Variants in TRPC4 observed in about 807,000 individuals in gnomAD.
The protein encoded by TRPC4 is transient receptor potential cation channel subfamily C member 4, also known as short transient receptor potential channel 4.
Under a neutral mutation model 99.4 loss-of-function variants are expected in TRPC4, and 49 were observed. The ratio of observed to expected loss-of-function variants is 0.49; its 90% CI spans 0.39 to 0.63. TRPC4 has a LOEUF of 0.63. TRPC4 is among the 20% of genes least tolerant of loss of function. The probability of loss-of-function intolerance (pLI) is 0.00; values close to 1 mark genes in which losing one functional copy is unlikely to be tolerated. For synonymous variants in TRPC4, 454 were observed against 425.9 expected, an observed-to-expected ratio of 1.07 and a Z score of -0.81; for missense variants, 898 against 1,152.9, an observed-to-expected ratio of 0.78 and a Z score of 3.20.
intron 2 of TRPC4, among the ~76,000 whole-genome samples, chr13:37,747,730 C>T (rs539645716): frequency 3.3e-5 from 5 of 152,236 alleles, no homozygotes; most frequent in African/African-American, 1.2e-4. Context: ...TCATGAGAAA[C>T]ACTAAAGATA....
intron 3 of TRPC4, among the ~76,000 whole-genome samples, chr13:37,743,258 T>G (rs1477417541): frequency 6.6e-6 from 1 of 152,160 alleles, no homozygotes; most frequent in Non-Finnish European, 1.5e-5. Flanking sequence ...ATATGTTTTT[T>G]GTTATGTTTT....
intron 3 of TRPC4, among the ~76,000 whole-genome samples, chr13:37,737,778 T>C (rs1244896583): frequency 1.3e-5 from 2 of 152,156 alleles, no homozygotes; most frequent in Non-Finnish European, 1.5e-5. Flanking sequence ...ACCAATTTGT[T>C]CTTTTACTTT....
chr13:37,823,899 C>A (rs1958111298), intron 1 of TRPC4, among the ~76,000 whole-genome samples: 1 of 150,248 alleles, frequency 6.7e-6, no homozygotes, highest in Non-Finnish European at 1.5e-5. Flanking sequence ...TCTTCCTACT[C>A]ATGAGCATGG....
chr13:37,737,412 G>A (rs76558759), intron 3 of TRPC4, among the ~76,000 whole-genome samples: 19,993 of 152,030 alleles, frequency 0.13, 1,541 homozygotes, highest in African/African-American at 0.2. Context: ...TACATCCTTG[G>A]TTAGGGGCAG....
chr13:37,852,274 T>C (rs1044056797), intron 1 of TRPC4, among the ~76,000 whole-genome samples: 1 of 152,146 alleles, frequency 6.6e-6, no homozygotes, highest in Non-Finnish European at 1.5e-5. Context: ...CTCTGTCTTG[T>C]ATTGTGGATA....
chr13:37,672,905 T>C (rs1045899839), intron 5 of TRPC4, among the ~76,000 whole-genome samples: 133 of 152,298 alleles, frequency 8.7e-4, no homozygotes, highest in African/African-American at 3.1e-3. Context: ...TGAGCACTGG[T>C]AGCATTTTAA....
intron 1 of TRPC4, among the ~76,000 whole-genome samples, chr13:37,807,490 C>T (rs1593788254): frequency 1.3e-5 from 2 of 152,116 alleles, no homozygotes; most frequent in South Asian, 2.1e-4. Context: ...CATATTACAT[C>T]TGGGTCATAA....
intron 1 of TRPC4, among the ~76,000 whole-genome samples, chr13:37,863,837 G>A (rs1959559580): frequency 6.6e-6 from 1 of 151,538 alleles, no homozygotes. Context: ...GCTGATGACA[G>A]ACCAATTCAA....
At chr13:37,671,795 G>A (rs1952853868) in intron 5 of TRPC4, among the ~76,000 whole-genome samples, 1 of 152,158 alleles carries the variant, frequency 6.6e-6, no homozygotes, top group African/African-American at 2.4e-5. Flanking sequence ...CACAGTGCAT[G>A]CCAATGAATA....
At chr13:37,729,476 T>G (rs1375305467) in intron 3 of TRPC4, among the ~76,000 whole-genome samples, 3 of 152,254 alleles carry the variant, frequency 2.0e-5, no homozygotes, top group Non-Finnish European at 4.4e-5. Flanking sequence ...GAAGTTCCAC[T>G]TCTGGGGGTA....
intron 2 of TRPC4, among the ~76,000 whole-genome samples, chr13:37,766,552 T>C (rs1470643868): frequency 2.0e-5 from 3 of 151,366 alleles, no homozygotes; most frequent in Non-Finnish European, 3.0e-5. Flanking sequence ...TGAAAAAATG[T>C]GCTGGTCCAA....
chr13:37,793,782 G>A (rs1477027645), intron 1 of TRPC4, among the ~76,000 whole-genome samples: 1 of 152,036 alleles, frequency 6.6e-6, no homozygotes, highest in Non-Finnish European at 1.5e-5. Context: ...TGCTGGTGGT[G>A]GCTTAAACTG....
At position 37,787,311 on chromosome 13, in the gene TRPC4, C is replaced by A. The variant is rs151014512; in HGVS notation, c.-27-3951G>T. Among the ~76,000 whole-genome samples, 35 of 152,140 alleles carry A rather than the reference C, an allele frequency of 2.3e-4. No individual in the cohort carries two copies. The East Asian group carries it at 5.4e-3, about 24-fold the overall frequency. On this transcript the variant is annotated intron_variant, in intron 1 of 10. Transcript: ENST00000379705. ...ACAACTCCTATTTGTTATTAAGATA[C>A]TATCACACATATGTAAGTTGCATTT...
intron 3 of TRPC4, among the ~76,000 whole-genome samples, chr13:37,697,747 A>G (rs1378502363): frequency 6.6e-5 from 10 of 152,216 alleles, no homozygotes; most frequent in Non-Finnish European, 1.5e-4. Context: ...AAATCTGCTG[A>G]ATAAAAATCT....
intron 1 of TRPC4, among the ~76,000 whole-genome samples, chr13:37,790,444 A>C (rs534176756): frequency 6.6e-6 from 1 of 152,298 alleles, no homozygotes; most frequent in African/African-American, 2.4e-5. Flanking sequence ...TTATTCCCTA[A>C]AAGTTTTGCT....
chr13:37,850,663 G>A (rs817614), intron 1 of TRPC4, among the ~76,000 whole-genome samples: 39,799 of 152,034 alleles, frequency 0.26, 5,548 homozygotes, highest in East Asian at 0.43. Flanking sequence ...GCTTTTGACT[G>A]TGATTAAATT....
intron 3 of TRPC4, among the ~76,000 whole-genome samples, chr13:37,713,872 G>A (rs1264803057): frequency 6.6e-6 from 1 of 152,180 alleles, no homozygotes; most frequent in Non-Finnish European, 1.5e-5. Flanking sequence ...TAGTGACCAA[G>A]AAGTGGCTAT....
chr13:37,805,967 G>A (rs1040655719), intron 1 of TRPC4, among the ~76,000 whole-genome samples: 2 of 151,994 alleles, frequency 1.3e-5, no homozygotes, highest in African/African-American at 4.8e-5. Flanking sequence ...ACAGAATTGG[G>A]AAGAATCAGA....
At chr13:37,842,373 A>AG (rs1958767371) in intron 1 of TRPC4, among the ~76,000 whole-genome samples, 2 of 95,178 alleles carry the variant, frequency 2.1e-5, no homozygotes, top group Non-Finnish European at 4.6e-5. Flanking sequence ...AAAAAAAAGG[A>AG]AAAGGAAAAG....
Sources: allele counts gnomAD v4.1 joint callset (sites outside exome capture counted in the v4.1 genomes callset), GRCh38; gene constraint gnomAD v4.1.1; transcripts MANE v1.5; gene names NCBI Gene and HGNC (gene_info 2026-07-23, HGNC 2026-07-21).